Variants in RARA observed in about 807,000 individuals in gnomAD.
RARA encodes retinoic acid receptor alpha.
Under a neutral mutation model 42.8 loss-of-function variants are expected in RARA, and 5 were observed. That is an observed-to-expected ratio of 0.12 (90% CI 0.06 to 0.25). The LOEUF (loss-of-function observed/expected upper bound fraction) is 0.25, where lower values mean the gene tolerates loss of function less well. Among genes scored for constraint, RARA ranks in the 10% least tolerant of loss-of-function variants. The pLI is 1.00. For synonymous variants in RARA, 256 were observed against 259.5 expected, an observed-to-expected ratio of 0.99 and a Z score of 0.13; for missense variants, 402 against 628.7, an observed-to-expected ratio of 0.64 and a Z score of 3.86.
rs1229994765 is a variant in RARA, at chr17:40,309,305, C to T, written c.-363+19C>T. 6.6e-6 allele frequency: 1 copy of T among 152,538 alleles called. No homozygotes were observed. The highest frequency in any genetic ancestry group is 2.4e-5 in the African/African-American group (1 of 41,468). The allele number at this position is 152,538 out of a possible 1,614,324, so 9.4% of individuals were successfully genotyped here. ...TGAGCAGGTAGGACCATGCACACCC[C>T]TTCCCAATTCTTTGGCCGCCTTTGA... On this transcript the variant is annotated intron_variant, in intron 1 of 8. Coordinates refer to ENST00000254066, the MANE Select transcript of RARA (RefSeq NM_000964.4).
chr17:40,351,372 G>T lies in RARA; in HGVS notation c.470-538G>T, dbSNP rs949096386. The T allele has an allele frequency of 2.4e-6, 1 of 413,674 alleles. No homozygotes were observed. Among genetic ancestry groups the T allele is most frequent in the Admixed American group, 2.9e-5 (1 of 34,714 alleles). 25.6% of individuals were successfully genotyped at this position (413,674 alleles called of 1,614,324 possible). ...AGCCGAGTGGTGTGTGCGGCTCAGC[G>T]CCCCTGGTGATTTGTCAGCTCCCCA... On this transcript the variant is annotated intron_variant, in intron 4 of 8. Transcript: ENST00000254066. This position sits in a 1 kb window ranked among gnomAD's most constrained non-coding sequence, Gnocchi z 4.1.
rs1159388668 is a variant in RARA at position 40,342,243 on chromosome 17, C to G, written c.179-6073C>G. 3.8e-6 allele frequency: 4 copies of G among 1,056,498 alleles called. No homozygotes were observed. In the African/African-American group the frequency reaches 6.6e-5, roughly 17 times the overall value. 65.4% of individuals were successfully genotyped at this position (1,056,498 alleles called of 1,614,324 possible). ...CGGAACCGCGCGGGATCCCCACCCC[C>G]ACCCGGAATCCTCGCCACGGAGAAT... On this transcript the variant is annotated intron_variant, in intron 2 of 8. Coordinates refer to ENST00000254066, the MANE Select transcript of RARA (RefSeq NM_000964.4).
chr17:40,353,187 C>T (rs1409169488), intron 6 of RARA, among the ~76,000 whole-genome samples: 1 of 151,806 alleles, frequency 6.6e-6, no homozygotes, highest in Non-Finnish European at 1.5e-5. Context: ...AACTCAGGAG[C>T]AGGAAGTGAA....
intron 2 of RARA, chr17:40,343,122 T>C: frequency 1.8e-6 from 1 of 563,406 alleles, no homozygotes; most frequent in Non-Finnish European, 2.7e-6. Context: ...TTCCTTCATC[T>C]CTTGTTTCAC....
At chr17:40,342,082 G>C in intron 2 of RARA, 4 of 1,056,744 alleles carry the variant, frequency 3.8e-6, no homozygotes, top group Non-Finnish European at 4.6e-6. Context: ...GCCAGGGGCG[G>C]TGCCTGGACG....
rs375581332 is a variant in RARA, at chr17:40,356,919, C to T, written c.*693C>T. 2.5e-6 allele frequency: 1 copy of T among 400,934 alleles called. No homozygotes were observed. 24.8% of individuals were successfully genotyped at this position (400,934 alleles called of 1,614,324 possible). On this transcript the variant is annotated 3_prime_UTR_variant, in exon 9 of 9. Transcript: ENST00000254066. Reference sequence around the variant, plus strand: ...ACTCTCCTTTCATGTCCCTGTGCCCCCCAGTTCTCCTCCTCAGCCTTTTCC... The same window carrying T: ...ACTCTCCTTTCATGTCCCTGTGCCCTCCAGTTCTCCTCCTCAGCCTTTTCC...
intron 2 of RARA, among the ~76,000 whole-genome samples, chr17:40,343,910 G>A (rs1045418417): frequency 1.3e-5 from 2 of 152,172 alleles, no homozygotes; most frequent in African/African-American, 4.8e-5. Flanking sequence ...ATTTTCCTGC[G>A]CAGCTGTGAG....
At position 40,352,813 on chromosome 17, in the gene RARA, A is replaced by G. The variant is rs2034496699; in HGVS notation, c.807+306A>G. 6.6e-6 allele frequency among the ~76,000 whole-genome samples: 1 copy of G among 152,098 alleles called. No homozygotes were observed. The highest frequency in any genetic ancestry group is 6.6e-5 in the Admixed American group (1 of 15,264). On this transcript the variant is annotated intron_variant, in intron 6 of 8. Transcript: ENST00000254066. The surrounding 1 kb of genome is among the most constrained non-coding windows in gnomAD (Gnocchi z 4.9). ...GTAGGAGCCAGGTGCAGTGGCTCAT[A>G]CCTGTAATCCCAGCACTTTGGGAGG...
At chr17:40,316,862 G>C (rs914991908) in intron 1 of RARA, among the ~76,000 whole-genome samples, 1 of 152,096 alleles carries the variant, frequency 6.6e-6, no homozygotes, top group African/African-American at 2.4e-5. Flanking sequence ...AAATCCAGAC[G>C]GGAGCGGGAG....
At chr17:40,329,472 A>G (rs1019384269) in intron 1 of RARA, among the ~76,000 whole-genome samples, 6 of 151,998 alleles carry the variant, frequency 3.9e-5, no homozygotes, top group African/African-American at 1.4e-4. Flanking sequence ...ATGCGCAGCT[A>G]ATTTTTTAGT....
At chr17:40,321,237 C>T (rs973901992) in intron 1 of RARA, among the ~76,000 whole-genome samples, 4 of 151,862 alleles carry the variant, frequency 2.6e-5, no homozygotes, top group African/African-American at 9.7e-5. Context: ...AATGTGTCAG[C>T]GTTGGTGTGT....
chr17:40,339,857 G>C (rs1381451548), intron 2 of RARA, among the ~76,000 whole-genome samples: 1 of 152,158 alleles, frequency 6.6e-6, no homozygotes, highest in Non-Finnish European at 1.5e-5. Context: ...TGTGAGCGCA[G>C]AGCCTTGCTC....
rs749205858 is a variant in RARA, at chr17:40,352,423, G to A, written c.723G>A (p.Glu241=). 4.3e-6 allele frequency: 7 copies of A among 1,613,798 alleles called. No individual in the cohort carries two copies. In the Admixed American group the frequency reaches 6.7e-5, roughly 15 times the overall value. The change falls in exon 6 of 9, where the codon GAG becomes GAA. Residue 241 remains glutamate (E), a synonymous_variant. Coordinates refer to ENST00000254066, the MANE Select transcript of RARA (RefSeq NM_000964.4). This position sits in a 1 kb window ranked among gnomAD's most constrained non-coding sequence, Gnocchi z 4.9. ...LSTKCIIKTV[E]FAKQLPGFTT... The stretch of plus-strand genomic sequence containing the variant: ...CCAAGTGCATCATTAAGACTGTGGA[G>A]TTCGCCAAGCAGCTGCCCGGCTTCA...
intron 1 of RARA, among the ~76,000 whole-genome samples, chr17:40,316,103 G>A (rs1418894781): frequency 6.6e-6 from 1 of 152,246 alleles, no homozygotes; most frequent in Non-Finnish European, 1.5e-5. Context: ...CTGCAGTCAA[G>A]CTTGGGTAGG....
intron 1 of RARA, among the ~76,000 whole-genome samples, chr17:40,323,597 AG>A (rs2033453240): frequency 6.6e-6 from 1 of 151,806 alleles, no homozygotes; most frequent in Non-Finnish European, 1.5e-5. Flanking sequence ...TCTAAGGGGA[AG>A]GCCATGGGGA....
chr17:40,341,519 C>A, intron 2 of RARA: 4 of 1,481,932 alleles, frequency 2.7e-6, no homozygotes. Context: ...CCGCCGCTCT[C>A]CGCGTCTCCG....
chr17:40,316,059 T>G (rs1173626363), intron 1 of RARA, among the ~76,000 whole-genome samples: 2 of 152,222 alleles, frequency 1.3e-5, no homozygotes, highest in Non-Finnish European at 2.9e-5. Context: ...GATTGAAGAC[T>G]CCTGGTCCCC....
chr17:40,342,351 G>C, intron 2 of RARA: 2 of 1,078,908 alleles, frequency 1.9e-6, no homozygotes, highest in Non-Finnish European at 1.1e-6. Context: ...CCCCCGGCCT[G>C]CGGACTTGGG....
rs1326400235 is a variant in RARA, at chr17:40,356,114, A to C, written c.1277A>C (p.Gln426Pro). 7 of 474,506 alleles carry C rather than the reference A, an allele frequency of 1.5e-5. No individual in the cohort carries two copies. Among genetic ancestry groups the C allele is most frequent in the Admixed American group, 2.6e-5 (1 of 39,194 alleles). The allele number at this position is 474,506 out of a possible 1,614,324, so 29.4% of individuals were successfully genotyped here. A position where few individuals can be genotyped will look rare whatever the true frequency, so the allele number is the denominator to read the frequency against. ...NSEGLDTLSG[Q>P]PGGGGRDGGG... ...GAGGGCCTGGACACTCTGAGCGGACAGCCGGGGGGTGGGGGGCGGGACGGG... is the reference window on the plus strand; with the variant it reads ...GAGGGCCTGGACACTCTGAGCGGACCGCCGGGGGGTGGGGGGCGGGACGGG... Residue 426 changes from glutamine to proline, a missense_variant, in exon 9 of 9, where the codon CAG becomes CCG. Gln to Pro is a moderately conservative substitution (Grantham distance 76). Around this residue, in one of 5 missense-constraint regions of RARA, gnomAD observed 73 missense variants for 59.8 expected, o/e 1.22. Coordinates refer to ENST00000254066, the MANE Select transcript of RARA (RefSeq NM_000964.4).
Sources: gnomAD v4.1 joint callset for allele counts (sites outside exome capture counted in the v4.1 genomes callset) on GRCh38, gnomAD v4.1.1 for gene constraint, gnomAD v4.1.1 regional missense constraint, Gnocchi (gnomAD v3.1) non-coding constraint, MANE v1.5 for transcripts, NCBI Gene and HGNC (gene_info 2026-07-23, HGNC 2026-07-21) for gene names.